NRXN3: variants seen among roughly 807,000 people sequenced by gnomAD.
The protein encoded by NRXN3 is neurexin 3.
In NRXN3, 32 loss-of-function variants were observed where a neutral mutation model predicts 137.6. That is an observed-to-expected ratio of 0.23 (90% CI 0.18 to 0.31). NRXN3 has a LOEUF of 0.31. NRXN3 is among the 10% of genes least tolerant of loss of function. The pLI, the probability that NRXN3 is intolerant of heterozygous loss-of-function variation, is 1.00. For missense variants in NRXN3, 1,574 were observed against 2,062.5 expected, an observed-to-expected ratio of 0.76 and a Z score of 4.59; for synonymous variants, 798 against 784.5, an observed-to-expected ratio of 1.02 and a Z score of -0.29.
chr14:78,492,276 A>AT (rs1350933795), intron 4 of NRXN3, among the ~76,000 whole-genome samples: 2 of 152,078 alleles, frequency 1.3e-5, no homozygotes, highest in African/African-American at 4.8e-5. Context: ...AGATTTTTGG[A>AT]TTTTTTTATA....
intron 16 of NRXN3, among the ~76,000 whole-genome samples, chr14:79,519,269 A>AT (rs1352677186): frequency 1.1e-4 from 16 of 152,134 alleles, no homozygotes; most frequent in Non-Finnish European, 2.4e-4. Context: ...TCCACTTACT[A>AT]TTTTTAAATT....
chr14:78,294,555 CAAAAAAA>C (rs199592742), intron 3 of NRXN3, among the ~76,000 whole-genome samples: 5 of 106,460 alleles, frequency 4.7e-5, no homozygotes, highest in Non-Finnish European at 7.3e-5. Flanking sequence ...GATTCCGTCT[CAAAAAAA>C]AAAAAAAAAA....
chr14:78,447,704 C>G (rs915617356), intron 4 of NRXN3, among the ~76,000 whole-genome samples: 7 of 152,172 alleles, frequency 4.6e-5, no homozygotes, highest in Admixed American at 4.6e-4. Flanking sequence ...TGCAATCTCC[C>G]TTTTTGAGTT....
chr14:79,222,157 C>G (rs1277987964), intron 15 of NRXN3, among the ~76,000 whole-genome samples: 2 of 152,146 alleles, frequency 1.3e-5, no homozygotes, highest in African/African-American at 4.8e-5. Flanking sequence ...GTTACTGTAG[C>G]CTTGTAGTAT....
intron 4 of NRXN3, among the ~76,000 whole-genome samples, chr14:78,623,477 A>T (rs1229233873): frequency 6.6e-6 from 1 of 152,264 alleles, no homozygotes; most frequent in African/African-American, 2.4e-5. Context: ...TGGCCATAGT[A>T]GATAACCATG....
At chr14:78,631,591 A>G (rs1270953716) in intron 4 of NRXN3, among the ~76,000 whole-genome samples, 1 of 152,254 alleles carries the variant, frequency 6.6e-6, no homozygotes, top group Middle Eastern at 3.2e-3. Context: ...AAACTAAACC[A>G]ATTTGAGTGT....
chr14:78,551,844 AT>A (rs887212453), intron 4 of NRXN3, among the ~76,000 whole-genome samples: 11 of 151,616 alleles, frequency 7.3e-5, no homozygotes, highest in African/African-American at 1.5e-4. Flanking sequence ...TTATCAAAGT[AT>A]TTTTTTTAAA....
chr14:79,544,118 G>A (rs889742003), intron 16 of NRXN3, among the ~76,000 whole-genome samples: 1 of 152,150 alleles, frequency 6.6e-6, no homozygotes, highest in African/African-American at 2.4e-5. Context: ...CTTCTTAAAT[G>A]TCACAGCGCC....
intron 10 of NRXN3, among the ~76,000 whole-genome samples, chr14:78,838,525 C>G (rs2152433125): frequency 6.6e-6 from 1 of 152,238 alleles, no homozygotes; most frequent in South Asian, 2.1e-4. Context: ...TCTTAGTTCT[C>G]AAAATAATCT....
intron 14 of NRXN3, among the ~76,000 whole-genome samples, chr14:78,981,148 G>A (rs909620480): frequency 1.3e-5 from 2 of 152,118 alleles, no homozygotes; most frequent in African/African-American, 2.4e-5. Context: ...GCTTATAAAC[G>A]TAACATTTGA....
intron 4 of NRXN3, among the ~76,000 whole-genome samples, chr14:78,404,932 T>TTTCATCTCTGTC (rs2092382765): frequency 6.6e-6 from 1 of 152,210 alleles, no homozygotes; most frequent in Non-Finnish European, 1.5e-5. Context: ...GTCTGTCTAC[T>TTTCATCTCTGTC]TTCATCTCTG....
intron 15 of NRXN3, among the ~76,000 whole-genome samples, chr14:79,432,825 A>C (rs1473999580): frequency 6.6e-6 from 1 of 152,184 alleles, no homozygotes; most frequent in Non-Finnish European, 1.5e-5. Context: ...TGTGATTGGC[A>C]CGTGTTACTG....
intron 15 of NRXN3, among the ~76,000 whole-genome samples, chr14:79,389,086 G>A (rs554063320): frequency 2.0e-5 from 3 of 152,272 alleles, no homozygotes; most frequent in East Asian, 3.9e-4. Context: ...TTTATTAGCA[G>A]CATGAGAACT....
chr14:78,174,975 C>T (rs938012364), intron 1 of NRXN3, among the ~76,000 whole-genome samples: 1 of 152,138 alleles, frequency 6.6e-6, no homozygotes, highest in Non-Finnish European at 1.5e-5. Context: ...TCTTGCTCCC[C>T]TGGCATCAGC....
At chr14:79,068,063 A>G (rs933487457) in intron 15 of NRXN3, among the ~76,000 whole-genome samples, 4 of 151,984 alleles carry the variant, frequency 2.6e-5, no homozygotes, top group African/African-American at 9.7e-5. Context: ...TTTTCCCCTT[A>G]AAGAACTCAA....
intron 19 of NRXN3, among the ~76,000 whole-genome samples, chr14:79,716,107 A>G (rs2098822817): frequency 6.6e-6 from 1 of 152,156 alleles, no homozygotes; most frequent in South Asian, 2.1e-4. Context: ...AAGAGTTTCC[A>G]AAGCTGGACT....
intron 16 of NRXN3, among the ~76,000 whole-genome samples, chr14:79,476,788 A>G (rs1011705832): frequency 2.0e-5 from 3 of 152,128 alleles, no homozygotes; most frequent in Admixed American, 6.6e-5. Context: ...TCCTCATTTT[A>G]TAATTGGGGC....
rs1012999899 is a variant in NRXN3, at chr14:79,540,392, C to G, written c.3444+72990C>G. Among the ~76,000 whole-genome samples the G allele has an allele frequency of 9.2e-5, 14 of 152,206 alleles. No individual in the cohort carries two copies. The East Asian group carries it at 1.9e-3, about 21-fold the overall frequency. ...ATCAAACCAGTGTGTTTAGCGTATT[C>G]ATCACCTCATATATTTACCTTTTTC... On this transcript the variant is annotated intron_variant, in intron 16 of 20. Transcript: ENST00000335750.
chr14:79,150,558 C>T (rs2059705129), intron 15 of NRXN3, among the ~76,000 whole-genome samples: 1 of 151,952 alleles, frequency 6.6e-6, no homozygotes, highest in Non-Finnish European at 1.5e-5. Context: ...TTCACACTTC[C>T]AGCTTTAGTT....
Sources: allele counts gnomAD v4.1 joint callset (sites outside exome capture counted in the v4.1 genomes callset), GRCh38; gene constraint gnomAD v4.1.1; transcripts MANE v1.5; gene names NCBI Gene and HGNC (gene_info 2026-07-23, HGNC 2026-07-21).